JAKMIP3: variants seen among roughly 807,000 people sequenced by gnomAD.
JAKMIP3 encodes janus kinase and microtubule-interacting protein 3.
In JAKMIP3, 58 loss-of-function variants were observed where a neutral mutation model predicts 118.5. The ratio of observed to expected loss-of-function variants is 0.49; its 90% CI spans 0.40 to 0.61. The LOEUF (loss-of-function observed/expected upper bound fraction) is 0.61. JAKMIP3 is among the 20% of genes least tolerant of loss of function. The pLI, the probability that JAKMIP3 is intolerant of heterozygous loss-of-function variation, is 0.00. For synonymous variants in JAKMIP3, 486 were observed against 451.2 expected (o/e 1.08, Z -0.98); for missense variants, 950 against 1,109.0 (o/e 0.86, Z 2.04).
chr10:132,081,634 A>G (rs2041775021), intron 1 of JAKMIP3, among the ~76,000 whole-genome samples: 1 of 152,140 alleles, frequency 6.6e-6, no homozygotes, highest in Admixed American at 6.5e-5. Flanking sequence ...TTCTGCCTTC[A>G]TCGTCACGGT....
Position 132,167,069 on chromosome 10 carries a change from T to A in JAKMIP3, c.*22+14T>A. On this transcript the variant is annotated intron_variant, in intron 22 of 23. Transcript: ENST00000684848. ...CACCCTGACGTGGTGAGTATTTCGT[T>A]GGCAGGGCCCAGCAGGGGTCCCGCT... 1.3e-6 allele frequency: 2 copies of A among 1,533,088 alleles called. No homozygotes were observed. Among genetic ancestry groups the A allele is most frequent in the Non-Finnish European group, 1.8e-6 (2 of 1,130,316 alleles). The allele number at this position is 1,533,088 out of a possible 1,614,324, so 95.0% of individuals were successfully genotyped here.
chr10:132,110,795 G>A (rs1000263040), intron 2 of JAKMIP3, among the ~76,000 whole-genome samples: 1 of 152,252 alleles, frequency 6.6e-6, no homozygotes, highest in Non-Finnish European at 1.5e-5. Context: ...TGAAGAAGGG[G>A]AGGGGCTCAC....
intron 14 of JAKMIP3, among the ~76,000 whole-genome samples, 193 bp downstream of exon 14, chr10:132,148,243 G>A (rs1373704537): frequency 6.6e-6 from 1 of 152,180 alleles, no homozygotes; most frequent in African/African-American, 2.4e-5. Context: ...ACATCCAATG[G>A]GGAACATGGG....
At chr10:132,164,778 G>A in intron 21 of JAKMIP3, 43 bp downstream of exon 21, 1 of 1,391,958 alleles carries the variant, frequency 7.2e-7, no homozygotes, top group East Asian at 2.3e-5. Flanking sequence ...TAAGATCAAG[G>A]GAGAGGAACC....
rs1564892953 is a variant in JAKMIP3, at chr10:132,097,946, TCCCATC to T, written c.-137-6722_-137-6717del. ...TTTCCTTCCCCTTCCCCTTTCCCTT[TCCCATC>T]CCCTTTCCCTTTCCTTCCTTTTCTC... On this transcript the variant is annotated intron_variant, in intron 1 of 23. Transcript: ENST00000684848. Among the ~76,000 whole-genome samples, 2 of 24,080 alleles carry T rather than the reference TCCCATC, an allele frequency of 8.3e-5. 1 individual carries two copies. Among genetic ancestry groups the T allele is most frequent in the African/African-American group, 2.2e-4 (2 of 9,204 alleles). The allele number at this position is 24,080 out of a possible 152,430, so 15.8% of individuals were successfully genotyped here. A position where few individuals can be genotyped will look rare whatever the true frequency, so the allele number is the denominator to read the frequency against.
chr10:132,072,788 C>G (rs193225250), intron 1 of JAKMIP3, among the ~76,000 whole-genome samples: 314 of 151,936 alleles, frequency 2.1e-3, no homozygotes, highest in Non-Finnish European at 3.3e-3. Flanking sequence ...CTTTAGGGTA[C>G]ACGTGTAGAT....
intron 6 of JAKMIP3, 123 bp from the exon 7 acceptor site, chr10:132,136,895 GC>G (rs1208906785): frequency 9.4e-7 from 1 of 1,066,584 alleles, no homozygotes; most frequent in African/African-American, 1.6e-5. Context: ...CTGAGCAGAG[GC>G]CGCCAGCCGG....
intron 13 of JAKMIP3, 72 bp downstream of exon 13, chr10:132,145,652 G>A (rs1054741352): frequency 1.0e-5 from 13 of 1,305,022 alleles, no homozygotes; most frequent in East Asian, 2.5e-5. Context: ...GGTCCCTGCG[G>A]GGCTGAAGGA....
At chr10:132,152,692 C>T (rs907918620) in intron 16 of JAKMIP3, among the ~76,000 whole-genome samples, 16 of 152,298 alleles carry the variant, frequency 1.1e-4, no homozygotes, top group Admixed American at 8.5e-4. Flanking sequence ...TACGCATCTG[C>T]CTCAGCTGGT....
In JAKMIP3 at chr10:132,136,102, GC is replaced by G. The variant is rs1381761786; in HGVS notation, c.1116+28del. 1.5e-5 allele frequency: 24 copies of G among 1,609,950 alleles called. No homozygotes were observed. In the African/African-American group the frequency reaches 2.7e-4, roughly 18 times the overall value. ...GTGAGGGGGTGGGGGGCTCCACGGG[GC>G]CACGGTCGCACCCGAGCTCCAGGCA... On this transcript the variant is annotated intron_variant, in intron 6 of 23. Coordinates refer to ENST00000684848, the MANE Select transcript of JAKMIP3 (RefSeq NM_001323087.2).
chr10:132,104,331 C>T (rs1240120036), intron 1 of JAKMIP3, among the ~76,000 whole-genome samples: 1 of 152,214 alleles, frequency 6.6e-6, no homozygotes, highest in Non-Finnish European at 1.5e-5. Context: ...CGCCATGTGG[C>T]CTCACAGCCA....
chr10:132,174,230 G>A (rs1237373889), intron 23 of JAKMIP3, among the ~76,000 whole-genome samples: 2 of 152,170 alleles, frequency 1.3e-5, no homozygotes, highest in Non-Finnish European at 2.9e-5. Context: ...CTGTGCAGTG[G>A]CCCCTTCCTG....
intron 1 of JAKMIP3, among the ~76,000 whole-genome samples, chr10:132,095,356 G>C (rs938471963): frequency 6.6e-6 from 1 of 152,214 alleles, no homozygotes; most frequent in African/African-American, 2.4e-5. Context: ...AGGTAAGGCA[G>C]AGATGGCTTC....
At chr10:132,157,184 G>A (rs2057199718) in intron 19 of JAKMIP3, among the ~76,000 whole-genome samples, 1 of 152,060 alleles carries the variant, frequency 6.6e-6, no homozygotes, top group African/African-American at 2.4e-5. Context: ...ACCAACAAAG[G>A]GGACCCCACT....
chr10:132,181,493 G>A (rs1377699990), intron 23 of JAKMIP3: 1 of 152,160 alleles, frequency 6.6e-6, no homozygotes, highest in African/African-American at 2.4e-5. Context: ...GGGCTGGACT[G>A]GCAGGTCCCC....
At chr10:132,163,522 C>CCACCCTCCAGTGGCCA in intron 20 of JAKMIP3, 110 bp downstream of exon 20, 2 of 977,912 alleles carry the variant, frequency 2.0e-6, no homozygotes, top group East Asian at 2.6e-5. Flanking sequence ...CTCTGTGGCC[C>CCACCCTCCAGTGGCCA]CACCCTCCAG....
At chr10:132,164,847 C>T (rs1004836402) in intron 21 of JAKMIP3, 112 bp downstream of exon 21, 8 of 745,688 alleles carry the variant, frequency 1.1e-5, no homozygotes, top group Non-Finnish European at 1.9e-5. Flanking sequence ...AGACTTCGCT[C>T]CCAACAGCAG....
At chr10:132,180,788 T>TGTGTGCGTGTGTGTGTGC (rs1491365450) in intron 23 of JAKMIP3, among the ~76,000 whole-genome samples, 1 of 10,728 alleles carries the variant, frequency 9.3e-5, no homozygotes, top group African/African-American at 3.4e-4. Context: ...TGTGTGCGCG[T>TGTGTGCGTGTGTGTGTGC]ATGCATGTGC....
chr10:132,072,186 A>G (rs2040074863), intron 1 of JAKMIP3, among the ~76,000 whole-genome samples: 1 of 152,018 alleles, frequency 6.6e-6, no homozygotes, highest in African/African-American at 2.4e-5. Context: ...GATTACAGGC[A>G]TGAGCCACCA....
Sources: gnomAD v4.1 joint callset for allele counts (sites outside exome capture counted in the v4.1 genomes callset) on GRCh38, gnomAD v4.1.1 for gene constraint, MANE v1.5 for transcripts, NCBI Gene and HGNC (gene_info 2026-07-23, HGNC 2026-07-21) for gene names.